The following CELF2 variants were observed in gnomAD, a reference collection of about 807,000 sequenced individuals.
CELF2 encodes the protein CUGBP Elav-like family member 2.
In CELF2, 8 loss-of-function variants were observed where a neutral mutation model predicts 62.6. The observed-to-expected ratio is 0.13, with a 90% confidence interval of 0.07 to 0.23. The LOEUF (loss-of-function observed/expected upper bound fraction) is 0.23, where lower values mean the gene tolerates loss of function less well. Among genes scored for constraint, CELF2 ranks in the 10% least tolerant of loss-of-function variants. The probability of loss-of-function intolerance (pLI) is 1.00; values close to 1 mark genes in which losing one functional copy is unlikely to be tolerated. For missense variants in CELF2, 333 were observed against 671.0 expected, an observed-to-expected ratio of 0.50 and a Z score of 5.56; for synonymous variants, 258 against 250.0, an observed-to-expected ratio of 1.03 and a Z score of -0.30.
Position 11,269,005 on chromosome 10 carries a change from A to G in CELF2, c.619-1661A>G, listed in dbSNP as rs1170694551. 1.3e-5 allele frequency among the ~76,000 whole-genome samples: 2 copies of G among 152,164 alleles called. No homozygotes were observed. Among genetic ancestry groups the G allele is most frequent in the Admixed American group, 1.3e-4 (2 of 15,276 alleles). The stretch of plus-strand genomic sequence containing the variant: ...CATTGGCCTAATTTTCTGCTTTTAT[A>G]TCATTTTTACTATTTAAGGAAGAAA... On this transcript the variant is annotated intron_variant, in intron 6 of 12. Coordinates refer to ENST00000633077, the MANE Select transcript of CELF2 (RefSeq NM_001326342.2). This position sits in a 1 kb window ranked among gnomAD's most constrained non-coding sequence, Gnocchi z 4.4.
At chr10:10,608,898 C>A in the CELF2 span, among the ~76,000 whole-genome samples, 48 of 152,222 alleles carry the variant, frequency 3.2e-4, 1 homozygote, top group Admixed American at 1.2e-3. Flanking sequence ...ATAGGGACCC[C>A]GTGAATCAGC....
At chr10:10,961,651 C>T (rs919951101) in intron 2 of CELF2, among the ~76,000 whole-genome samples, 4 of 151,196 alleles carry the variant, frequency 2.6e-5, no homozygotes, top group Non-Finnish European at 5.9e-5. Flanking sequence ...GAGGCTGAGA[C>T]ATGAAAATGG....
chr10:10,465,153 G>C, the CELF2 span, among the ~76,000 whole-genome samples: 1 of 152,116 alleles, frequency 6.6e-6, no homozygotes, highest in African/African-American at 2.4e-5. Context: ...CAACATGAAA[G>C]TATACGGATT....
chr10:10,730,003 T>C, the CELF2 span, among the ~76,000 whole-genome samples: 2 of 152,236 alleles, frequency 1.3e-5, no homozygotes, highest in African/African-American at 4.8e-5. Flanking sequence ...CAGTTTTCAA[T>C]GCACTTTATA....
At chr10:10,899,501 A>G (rs1278665353) in intron 1 of CELF2, among the ~76,000 whole-genome samples, 1 of 152,216 alleles carries the variant, frequency 6.6e-6, no homozygotes, top group African/African-American at 2.4e-5. Context: ...AGAACTAGAT[A>G]GTAAGTATTT....
intron 5 of CELF2, among the ~76,000 whole-genome samples, chr10:11,265,250 A>G (rs2081880089): frequency 6.6e-6 from 1 of 152,248 alleles, no homozygotes; most frequent in Non-Finnish European, 1.5e-5. Flanking sequence ...AGGGGCAACA[A>G]TCTCACATCG....
At chr10:11,282,044 G>C (rs887352006) in intron 8 of CELF2, among the ~76,000 whole-genome samples, 1 of 152,170 alleles carries the variant, frequency 6.6e-6, no homozygotes, top group Non-Finnish European at 1.5e-5. Flanking sequence ...GCCACTCCCA[G>C]TGGATATGGG....
At chr10:10,677,632 A>G in the CELF2 span, among the ~76,000 whole-genome samples, 1 of 152,206 alleles carries the variant, frequency 6.6e-6, no homozygotes. Flanking sequence ...CCATTAGTGT[A>G]GCCAAGCTCT....
intron 3 of CELF2, among the ~76,000 whole-genome samples, chr10:11,238,024 T>A (rs2072202241): frequency 1.3e-5 from 2 of 152,142 alleles, no homozygotes; most frequent in Admixed American, 1.3e-4. Context: ...ATCATTTCAG[T>A]GTGTATTTTG....
At chr10:10,999,283 C>T (rs2054281762) in intron 2 of CELF2, among the ~76,000 whole-genome samples, 1 of 152,208 alleles carries the variant, frequency 6.6e-6, no homozygotes, top group Non-Finnish European at 1.5e-5. Flanking sequence ...TACCACATAC[C>T]ACACGTTGTT....
intron 8 of CELF2, among the ~76,000 whole-genome samples, chr10:11,276,593 G>A (rs942141318): frequency 6.6e-6 from 1 of 152,202 alleles, no homozygotes; most frequent in African/African-American, 2.4e-5. Context: ...GCTAAGATTT[G>A]TCACACTTTC....
intron 6 of CELF2, among the ~76,000 whole-genome samples, chr10:11,266,907 C>G (rs1424016444): frequency 6.6e-6 from 1 of 152,172 alleles, no homozygotes; most frequent in Non-Finnish European, 1.5e-5. Flanking sequence ...CACTTGCTCT[C>G]CAGTTATTTA....
chr10:10,941,059 A>C (rs573022983), intron 2 of CELF2, among the ~76,000 whole-genome samples: 6 of 152,190 alleles, frequency 3.9e-5, no homozygotes, highest in Non-Finnish European at 8.8e-5. Flanking sequence ...TAGCGAAACA[A>C]CACCAGAGGA....
chr10:10,637,543 A>T, the CELF2 span, among the ~76,000 whole-genome samples: 1 of 152,170 alleles, frequency 6.6e-6, no homozygotes, highest in African/African-American at 2.4e-5. Context: ...GGTAGCCATC[A>T]TTCAAAAATT....
rs1013313981 is a variant in CELF2, at chr10:11,281,345, G to A, written c.841+6225G>A. 5.3e-5 allele frequency among the ~76,000 whole-genome samples: 8 copies of A among 152,178 alleles called. No individual in the cohort carries two copies. In the East Asian group the frequency reaches 9.6e-4, roughly 18 times the overall value. ...TTCAGGGGACTGACGTGGGGTAGAT[G>A]AAGAACACGACGAAGAGCACTGAGG... is the stretch of plus-strand genomic sequence containing the variant. On this transcript the variant is annotated intron_variant, in intron 8 of 12. Coordinates refer to ENST00000633077, the MANE Select transcript of CELF2 (RefSeq NM_001326342.2).
At chr10:11,276,981 A>G (rs574143480) in intron 8 of CELF2, among the ~76,000 whole-genome samples, 44 of 152,356 alleles carry the variant, frequency 2.9e-4, no homozygotes, top group South Asian at 1.4e-3. Flanking sequence ...TGAATCCTCA[A>G]TGTGTGAAAT....
intron 1 of CELF2, among the ~76,000 whole-genome samples, chr10:10,860,272 A>C (rs1008680233): frequency 1.3e-5 from 2 of 152,208 alleles, no homozygotes; most frequent in African/African-American, 2.4e-5. Context: ...AACAAGATTA[A>C]AAATGGTGAA....
chr10:10,629,877 GAA>G, the CELF2 span, among the ~76,000 whole-genome samples: 1 of 26,916 alleles, frequency 3.7e-5, no homozygotes, highest in Non-Finnish European at 7.0e-5. Context: ...AAAAAAAAAA[GAA>G]AAAAAAAAAA....
intron 4 of CELF2, among the ~76,000 whole-genome samples, chr10:11,252,982 C>T (rs1425364655): frequency 1.3e-5 from 2 of 152,134 alleles, no homozygotes; most frequent in Non-Finnish European, 2.9e-5. Context: ...CCTCTTTCAT[C>T]CTCTATGCCA....
Sources: allele counts gnomAD v4.1 joint callset (sites outside exome capture counted in the v4.1 genomes callset), GRCh38; gene constraint gnomAD v4.1.1; non-coding constraint Gnocchi (gnomAD v3.1); transcripts MANE v1.5; gene names NCBI Gene and HGNC (gene_info 2026-07-23, HGNC 2026-07-21).